The following SOX30 variants were observed in gnomAD, a reference collection of about 807,000 sequenced individuals.
SOX30 encodes the protein transcription factor SOX-30.
In SOX30, 17 loss-of-function variants were observed where a neutral mutation model predicts 58.6. That is an observed-to-expected ratio of 0.29 (90% CI 0.20 to 0.44). The LOEUF is 0.44. Ranked by LOEUF, SOX30 falls within the 20% of genes least tolerant of loss-of-function variation. The probability of loss-of-function intolerance (pLI) is 1.00; values close to 1 mark genes in which losing one functional copy is unlikely to be tolerated. For synonymous variants in SOX30, 421 were observed against 400.2 expected, an observed-to-expected ratio of 1.05 and a Z score of -0.62; for missense variants, 951 against 965.8, an observed-to-expected ratio of 0.98 and a Z score of 0.20.
intron 2 of SOX30, among the ~76,000 whole-genome samples, chr5:157,665,624 TA>T (rs2113860037): frequency 6.8e-6 from 1 of 147,620 alleles, no homozygotes; most frequent in East Asian, 1.9e-4. Flanking sequence ...ATAAAATAAA[TA>T]TATATTTTAA....
At chr5:157,632,047 TAAAAAAAAAA>T (rs570172679) in intron 4 of SOX30, among the ~76,000 whole-genome samples, 957 of 56,426 alleles carry the variant, frequency 0.017, 28 homozygotes, top group African/African-American at 0.071. Flanking sequence ...ACCCCGTAAC[TAAAAAAAAAA>T]AAAAAAAAAA....
intron 4 of SOX30, among the ~76,000 whole-genome samples, chr5:157,631,499 G>A (rs1036360263): frequency 3.9e-5 from 6 of 152,226 alleles, no homozygotes; most frequent in Non-Finnish European, 7.4e-5. Flanking sequence ...GGTGGCTCAC[G>A]CCTGTAATCC....
chr5:157,648,591 C>G, intron 2 of SOX30, 66 bp downstream of exon 2: 1 of 1,479,006 alleles, frequency 6.8e-7, no homozygotes, highest in East Asian at 2.3e-5. Flanking sequence ...CAATCTCAAC[C>G]TACCCTAATC....
upstream of SOX30, among the ~76,000 whole-genome samples, chr5:157,654,427 A>G (rs1759428945): frequency 6.6e-6 from 1 of 152,186 alleles, no homozygotes; most frequent in Non-Finnish European, 1.5e-5. Flanking sequence ...AACCTAGCTG[A>G]CTCTGTAAGT....
upstream of SOX30, among the ~76,000 whole-genome samples, chr5:157,656,151 G>T (rs544742715): frequency 1.3e-5 from 2 of 152,118 alleles, no homozygotes; most frequent in Non-Finnish European, 2.9e-5. Context: ...TTTTGTCTGT[G>T]TATTTATGTG....
At chr5:157,627,804 C>T (rs1758693926) in intron 4 of SOX30, among the ~76,000 whole-genome samples, 1 of 152,076 alleles carries the variant, frequency 6.6e-6, no homozygotes, top group Admixed American at 6.6e-5. Flanking sequence ...ACCATCCTGG[C>T]TAACACGGTG....
At chr5:157,670,653 A>G (rs1477031994) in intron 1 of SOX30, among the ~76,000 whole-genome samples, 1 of 152,150 alleles carries the variant, frequency 6.6e-6, no homozygotes, top group African/African-American at 2.4e-5. Context: ...GGGAGAAAAA[A>G]ATAGCAACTC....
intron 2 of SOX30, among the ~76,000 whole-genome samples, chr5:157,659,819 G>A (rs1190102552): frequency 1.3e-5 from 2 of 152,128 alleles, no homozygotes; most frequent in Non-Finnish European, 2.9e-5. Context: ...GATCACAGGT[G>A]GATTCAAAGA....
chr5:157,654,082 C>T (rs1429243414), upstream of SOX30, among the ~76,000 whole-genome samples: 2 of 151,700 alleles, frequency 1.3e-5, no homozygotes, highest in Admixed American at 1.3e-4. Context: ...AGGAGAATCG[C>T]TTGAACCTGG....
At chr5:157,653,780 T>C (rs1475290743), upstream of SOX30, among the ~76,000 whole-genome samples, 1 of 152,198 alleles carries the variant, frequency 6.6e-6, no homozygotes, top group African/African-American at 2.4e-5. Flanking sequence ...TGGTAACAAA[T>C]GTGGTCAGTA....
chr5:157,660,174 A>G (rs936410759), intron 2 of SOX30, among the ~76,000 whole-genome samples: 5 of 152,242 alleles, frequency 3.3e-5, no homozygotes, highest in Non-Finnish European at 7.3e-5. Context: ...CATTCCCAGC[A>G]CTTTGGAAGG....
At chr5:157,665,166 C>G (rs1379369718) in intron 2 of SOX30, among the ~76,000 whole-genome samples, 4 of 152,250 alleles carry the variant, frequency 2.6e-5, no homozygotes, top group East Asian at 3.9e-4. Context: ...TATTGTGGCA[C>G]TATTCACAAT....
At position 157,632,524 on chromosome 5, in the gene SOX30, G is replaced by A. The variant is rs187639630; in HGVS notation, c.1880+5706C>T. ...AGCTACTCGGGAGGCTGAGGCAGGA[G>A]AATCACTTGAACCCTGGAGGCAGTG... On this transcript the variant is annotated intron_variant, in intron 4 of 4. Transcript: ENST00000265007. 7.6e-4 allele frequency among the ~76,000 whole-genome samples: 116 copies of A among 152,214 alleles called. 1 individual carries two copies. Among genetic ancestry groups the A allele is most frequent in the African/African-American group, 2.7e-3 (113 of 41,530 alleles).
In SOX30 at chr5:157,652,016, C is replaced by CG; in HGVS notation, c.62dup (p.Leu22AlafsTer140). ...AAAAGGAGGTGCCCTCGACCGGCAGCGGGGGCGGAGCGGGACGCAACGGGC... is the reference window on the plus strand; with the variant it reads ...AAAAGGAGGTGCCCTCGACCGGCAGCGGGGGGCGGAGCGGGACGCAACGGGC... On this transcript the variant is annotated frameshift_variant, in exon 1 of 5. Transcript: ENST00000265007. LOFTEE classifies it high-confidence loss of function. 7.0e-7 allele frequency: 1 copy of CG among 1,428,408 alleles called. No individual in the cohort carries two copies. Among genetic ancestry groups the CG allele is most frequent in the South Asian group, 1.5e-5 (1 of 66,606 alleles). 88.5% of individuals were successfully genotyped at this position (1,428,408 alleles called of 1,614,324 possible).
chr5:157,640,176 C>T (rs1253963721), intron 3 of SOX30, among the ~76,000 whole-genome samples: 1 of 152,166 alleles, frequency 6.6e-6, no homozygotes, highest in Non-Finnish European at 1.5e-5. Flanking sequence ...TGATTATTTG[C>T]ATGTCTGCCA....
intron 4 of SOX30, among the ~76,000 whole-genome samples, chr5:157,631,527 G>A (rs894649902): frequency 2.0e-5 from 3 of 151,994 alleles, no homozygotes; most frequent in East Asian, 3.9e-4. Flanking sequence ...TTGGGAGGCC[G>A]AGGCGTGTGG....
intron 3 of SOX30, among the ~76,000 whole-genome samples, chr5:157,640,202 C>T (rs1032268683): frequency 2.6e-5 from 4 of 152,196 alleles, no homozygotes; most frequent in African/African-American, 9.7e-5. Flanking sequence ...ACCATGATCA[C>T]CAAACTGGGA....
upstream of SOX30, among the ~76,000 whole-genome samples, chr5:157,653,803 C>T (rs1200418379): frequency 6.6e-6 from 1 of 152,154 alleles, no homozygotes; most frequent in Non-Finnish European, 1.5e-5. Context: ...AGTTCTTATA[C>T]CTGGCAGATA....
At position 157,651,525 on chromosome 5, in the gene SOX30, T is replaced by C. The variant is rs1759339794; in HGVS notation, c.554A>G (p.Lys185Arg). The C allele has an allele frequency of 5.0e-6, 8 of 1,613,414 alleles. No homozygotes were observed. The highest frequency in any genetic ancestry group is 6.8e-6 in the Non-Finnish European group (8 of 1,180,024). ...LGYFRGDEKGKLEAEEVMRDS... is the reference protein window; with the variant it reads ...LGYFRGDEKGRLEAEEVMRDS... ...TCTCATGACCTCCTCCGCCTCCAGCTTGCCCTTCTCGTCCCCTCGGAAGTA... is the reference window on the plus strand; with the variant it reads ...TCTCATGACCTCCTCCGCCTCCAGCCTGCCCTTCTCGTCCCCTCGGAAGTA... The change falls in exon 1 of 5, where the codon AAG (lysine) becomes AGG (arginine). Residue 185 changes from lysine (K) to arginine (R), a missense_variant. Lys to Arg is a conservative substitution (Grantham distance 26, BLOSUM62 2). Transcript: ENST00000265007.
Sources: gnomAD v4.1 joint callset for allele counts (sites outside exome capture counted in the v4.1 genomes callset) on GRCh38, gnomAD v4.1.1 for gene constraint, MANE v1.5 for transcripts, NCBI Gene and HGNC (gene_info 2026-07-23, HGNC 2026-07-21) for gene names.